Variants in SLC38A6 observed in about 807,000 individuals in gnomAD.
SLC38A6 encodes the protein solute carrier family 38 member 6.
Under a neutral mutation model 65.0 loss-of-function variants are expected in SLC38A6, and 73 were observed. The ratio of observed to expected loss-of-function variants is 1.12; its 90% CI spans 0.93 to 1.37. The LOEUF (loss-of-function observed/expected upper bound fraction) is 1.37. SLC38A6 is among the 40% of genes most tolerant of loss of function. SLC38A6 has a pLI of 0.00. For synonymous variants in SLC38A6, 183 were observed against 178.8 expected, an observed-to-expected ratio of 1.02 and a Z score of -0.19; for missense variants, 561 against 531.1, an observed-to-expected ratio of 1.06 and a Z score of -0.55.
chr14:60,982,786 T>G, intron 2 of SLC38A6, 148 bp downstream of exon 2: 2 of 893,160 alleles, frequency 2.2e-6, no homozygotes, highest in Non-Finnish European at 3.3e-6. Context: ...TTCTTGTTGC[T>G]AGTGTGTACC....
chr14:61,065,720 G>A lies in SLC38A6; in HGVS notation c.1291-13090G>A, dbSNP rs529845721. Among the ~76,000 whole-genome samples, 6 of 152,276 alleles carry A rather than the reference G, an allele frequency of 3.9e-5. 1 individual carries two copies. The highest frequency in any genetic ancestry group is 3.9e-4 in the Admixed American group (6 of 15,294). ...GATTCATTTTAGGGCCTGGGAATAAGGTTATCTTAACACAAATGAAATGGC... is the reference window on the plus strand; with the variant it reads ...GATTCATTTTAGGGCCTGGGAATAAAGTTATCTTAACACAAATGAAATGGC... On this transcript the variant is annotated intron_variant, in intron 15 of 16. Transcript: ENST00000354886.
At chr14:61,006,433 A>G (rs2139425648) in intron 3 of SLC38A6, among the ~76,000 whole-genome samples, 1 of 152,368 alleles carries the variant, frequency 6.6e-6, no homozygotes, top group South Asian at 2.1e-4. Context: ...TACTCATCTG[A>G]CAAAGGGCTA....
intron 3 of SLC38A6, 136 bp downstream of exon 3, chr14:60,984,939 T>C: frequency 1.2e-6 from 1 of 827,124 alleles, no homozygotes; most frequent in Non-Finnish European, 1.9e-6. Context: ...GAATGGAGAA[T>C]TTGAAAAACC....
chr14:61,002,067 A>T (rs2038749030), intron 3 of SLC38A6: 1 of 152,184 alleles, frequency 6.6e-6, no homozygotes, highest in Non-Finnish European at 1.5e-5. Context: ...CATTTATAGG[A>T]TATAACTGTA....
intron 8 of SLC38A6, among the ~76,000 whole-genome samples, chr14:61,040,156 T>C (rs949650371): frequency 6.6e-6 from 1 of 151,924 alleles, no homozygotes; most frequent in African/African-American, 2.4e-5. Flanking sequence ...AATACGTCGG[T>C]AATCCAGTTA....
At chr14:61,081,645 C>T (rs2043656814) in intron 16 of SLC38A6, among the ~76,000 whole-genome samples, 1 of 152,108 alleles carries the variant, frequency 6.6e-6, no homozygotes, top group Non-Finnish European at 1.5e-5. Context: ...ATACCCGCCA[C>T]TGCACTCCAG....
At chr14:61,041,421 A>G (rs184311622) in intron 8 of SLC38A6, among the ~76,000 whole-genome samples, 59 of 152,342 alleles carry the variant, frequency 3.9e-4, no homozygotes, top group Non-Finnish European at 7.8e-4. Flanking sequence ...ATTAATAAAA[A>G]TTAATGATAA....
At chr14:61,072,892 C>T (rs2043277306) in intron 15 of SLC38A6, among the ~76,000 whole-genome samples, 1 of 152,134 alleles carries the variant, frequency 6.6e-6, no homozygotes, top group African/African-American at 2.4e-5. Context: ...TGGGTATACA[C>T]TCAGCAGTGG....
At chr14:61,008,538 G>A (rs984427340) in intron 3 of SLC38A6, among the ~76,000 whole-genome samples, 14 of 152,128 alleles carry the variant, frequency 9.2e-5, no homozygotes, top group Admixed American at 6.5e-4. Flanking sequence ...CCAAGCCTTG[G>A]TATCTGCTAT....
intron 2 of SLC38A6, among the ~76,000 whole-genome samples, chr14:60,984,169 A>C (rs2037284708): frequency 6.6e-6 from 1 of 152,228 alleles, no homozygotes; most frequent in Non-Finnish European, 1.5e-5. Context: ...AAATTGCATC[A>C]TTAGAGGTGT....
At chr14:61,012,902 A>G (rs893160932) in intron 3 of SLC38A6, among the ~76,000 whole-genome samples, 21 of 152,136 alleles carry the variant, frequency 1.4e-4, no homozygotes, top group African/African-American at 2.4e-4. Flanking sequence ...TATTAGGTCC[A>G]CTTGGTGCAG....
At chr14:61,082,619 C>T (rs1022743786) in intron 16 of SLC38A6, among the ~76,000 whole-genome samples, 1 of 152,192 alleles carries the variant, frequency 6.6e-6, no homozygotes, top group Non-Finnish European at 1.5e-5. Flanking sequence ...AGCAGAGACT[C>T]ACCTGCAGAC....
chr14:61,010,171 A>C (rs2039447653), intron 3 of SLC38A6, among the ~76,000 whole-genome samples: 1 of 152,136 alleles, frequency 6.6e-6, no homozygotes, highest in Non-Finnish European at 1.5e-5. Context: ...TTGGCTGCAT[A>C]AATGTCTTCT....
Position 61,045,365 on chromosome 14 carries a change from C to T in SLC38A6, c.764C>T (p.Thr255Ile), listed in dbSNP as rs1427179955. ...TTTCAGAGTGCTTATGCCTTACCAA[C>T]CATGGCTTTTTCATTTCTCTGCCAT... ...FSKESAYALP[T>I]MAFSFLCHTS... The change falls in exon 11 of 16, where the codon ACC (threonine) becomes ATC (isoleucine). Residue 255 changes from threonine to isoleucine, a missense_variant. Transcript: ENST00000267488. 2 of 1,613,398 alleles carry T rather than the reference C, an allele frequency of 1.2e-6. No individual in the cohort carries two copies. Among genetic ancestry groups the T allele is most frequent in the Non-Finnish European group, 1.7e-6 (2 of 1,179,728 alleles).
intron 3 of SLC38A6, among the ~76,000 whole-genome samples, chr14:60,989,374 T>C (rs978483862): frequency 1.3e-5 from 2 of 152,218 alleles, no homozygotes; most frequent in Non-Finnish European, 1.5e-5. Flanking sequence ...AAATCTCTTT[T>C]ACTTTGCATC....
intron 3 of SLC38A6, among the ~76,000 whole-genome samples, chr14:61,010,694 G>T (rs980846709): frequency 6.6e-6 from 1 of 152,114 alleles, no homozygotes; most frequent in Non-Finnish European, 1.5e-5. Context: ...GATAGTTGTA[G>T]ATATGCGACA....
chr14:61,006,909 A>G (rs964371704), intron 3 of SLC38A6, among the ~76,000 whole-genome samples: 8 of 152,224 alleles, frequency 5.3e-5, no homozygotes, highest in African/African-American at 1.9e-4. Context: ...AATAGCAAAG[A>G]CTTGGAACCA....
chr14:61,028,685 T>A (rs534964058), intron 5 of SLC38A6, among the ~76,000 whole-genome samples: 1 of 152,304 alleles, frequency 6.6e-6, no homozygotes, highest in South Asian at 2.1e-4. Flanking sequence ...GAGACATAGC[T>A]GTACTTCTGC....
chr14:61,014,482 T>G (rs2039841286), intron 3 of SLC38A6, among the ~76,000 whole-genome samples: 1 of 152,342 alleles, frequency 6.6e-6, no homozygotes, highest in South Asian at 2.1e-4. Context: ...GTTTCCAGTT[T>G]TTCTGCTCTG....
Sources: gnomAD v4.1 joint callset for allele counts (sites outside exome capture counted in the v4.1 genomes callset) on GRCh38, gnomAD v4.1.1 for gene constraint, MANE v1.5 for transcripts, NCBI Gene and HGNC (gene_info 2026-07-23, HGNC 2026-07-21) for gene names.